The following TENM2 variants were observed in gnomAD, a reference collection of about 807,000 sequenced individuals.
TENM2 encodes teneurin-2.
A neutral mutation model predicts 245.2 loss-of-function variants in TENM2; 52 were observed. The ratio of observed to expected loss-of-function variants is 0.21; its 90% CI spans 0.17 to 0.27. TENM2 has a LOEUF of 0.27. Among genes scored for constraint, TENM2 ranks in the 10% least tolerant of loss-of-function variants. The probability of loss-of-function intolerance (pLI) is 1.00; values close to 1 mark genes in which losing one functional copy is unlikely to be tolerated. For synonymous variants in TENM2, 1,363 were observed against 1,438.9 expected (o/e 0.95, Z 1.19); for missense variants, 3,046 against 3,666.8 (o/e 0.83, Z 4.37).
chr5:167,183,095 G>T, the TENM2 span, among the ~76,000 whole-genome samples: 3 of 152,016 alleles, frequency 2.0e-5, no homozygotes, highest in Non-Finnish European at 4.4e-5. Flanking sequence ...GCATTTAAAG[G>T]CCCATTATGC....
intron 6 of TENM2, among the ~76,000 whole-genome samples, chr5:168,055,036 C>G (rs889282715): frequency 1.4e-4 from 22 of 152,256 alleles, no homozygotes; most frequent in African/African-American, 4.8e-4. Context: ...TGGACTGGTT[C>G]CTGCATGCCA....
chr5:167,034,254 T>C, the TENM2 span, among the ~76,000 whole-genome samples: 8 of 152,214 alleles, frequency 5.3e-5, no homozygotes, highest in African/African-American at 1.9e-4. Context: ...AACTAATTCA[T>C]TGTCCTGCAT....
chr5:167,402,466 G>A lies in TENM2; in HGVS notation c.502+26993G>A, dbSNP rs114406833. ...ATAATAATACACAGAACATAATGAT[G>A]TGAACATGTATCAAGTATGGATATA... On this transcript the variant is annotated intron_variant, in intron 2 of 28. Transcript: ENST00000518659. Among the ~76,000 whole-genome samples, 529 of 152,204 alleles carry A rather than the reference G, an allele frequency of 3.5e-3. 5 individuals are homozygous for A. The highest frequency in any genetic ancestry group is 0.012 in the African/African-American group (505 of 41,550).
intron 2 of TENM2, among the ~76,000 whole-genome samples, chr5:167,703,368 C>T (rs1420877146): frequency 6.6e-6 from 1 of 152,002 alleles, no homozygotes; most frequent in Non-Finnish European, 1.5e-5. Flanking sequence ...CCTGTCTCTA[C>T]TAAAACTACA....
intron 2 of TENM2, among the ~76,000 whole-genome samples, chr5:167,838,221 A>T (rs1326871529): frequency 6.6e-6 from 1 of 152,192 alleles, no homozygotes; most frequent in Non-Finnish European, 1.5e-5. Flanking sequence ...ACCTGGCTCA[A>T]ATCTATTTCC....
chr5:167,052,224 A>G, the TENM2 span, among the ~76,000 whole-genome samples: 1 of 152,152 alleles, frequency 6.6e-6, no homozygotes, highest in Non-Finnish European at 1.5e-5. Flanking sequence ...TCAATAATAT[A>G]ATTGCACTAA....
intron 2 of TENM2, among the ~76,000 whole-genome samples, chr5:167,635,430 A>G (rs934571267): frequency 6.6e-6 from 1 of 151,234 alleles, no homozygotes; most frequent in Non-Finnish European, 1.5e-5. Context: ...AATGTTTTCC[A>G]GGGGTGTATC....
At chr5:168,065,595 A>G (rs1228564128) in intron 7 of TENM2, among the ~76,000 whole-genome samples, 1 of 152,156 alleles carries the variant, frequency 6.6e-6, no homozygotes, top group Admixed American at 6.5e-5. Flanking sequence ...CAAATCCTGT[A>G]TGTAGATAGG....
In TENM2 at chr5:167,596,190, C is replaced by T. The variant is rs1776196685; in HGVS notation, c.502+220717C>T. On this transcript the variant is annotated intron_variant, in intron 2 of 28. Transcript: ENST00000518659. ...GATTAGTGCTAATTAGGTGTCAGAC[C>T]GTTTACTGTCATTATCTGAAGTAAA... is the stretch of plus-strand genomic sequence containing the variant. 3.3e-5 allele frequency among the ~76,000 whole-genome samples: 5 copies of T among 152,210 alleles called. No homozygotes were observed. The South Asian group carries it at 8.3e-4, about 25-fold the overall frequency.
At chr5:168,133,543 T>C (rs2152381595) in intron 12 of TENM2, among the ~76,000 whole-genome samples, 1 of 152,288 alleles carries the variant, frequency 6.6e-6, no homozygotes, top group East Asian at 1.9e-4. Flanking sequence ...TCCCATAATA[T>C]ACACTAAAGA....
chr5:168,155,017 C>G (rs1440772014), intron 12 of TENM2, among the ~76,000 whole-genome samples: 1 of 152,240 alleles, frequency 6.6e-6, no homozygotes, highest in Non-Finnish European at 1.5e-5. Context: ...AGTCCCCGCA[C>G]AGCTCCCTCC....
chr5:167,261,987 C>CTA, the TENM2 span, among the ~76,000 whole-genome samples: 21 of 152,278 alleles, frequency 1.4e-4, no homozygotes, highest in Middle Eastern at 3.4e-3. Context: ...TGACTTTGGG[C>CTA]TAGTGGCCCC....
intron 14 of TENM2, chr5:168,190,760 A>G (rs1479908258): frequency 2.1e-6 from 1 of 468,764 alleles, no homozygotes; most frequent in Non-Finnish European, 3.8e-6. Flanking sequence ...GGATGTCAAC[A>G]TCTTTAACCC....
chr5:167,464,384 G>A (rs368845849), intron 2 of TENM2, among the ~76,000 whole-genome samples: 1 of 152,238 alleles, frequency 6.6e-6, no homozygotes, highest in African/African-American at 2.4e-5. Context: ...TCTTCGACAA[G>A]TATATAGATA....
At chr5:168,042,302 T>C (rs1297540545) in intron 5 of TENM2, among the ~76,000 whole-genome samples, 2 of 152,120 alleles carry the variant, frequency 1.3e-5, no homozygotes, top group Non-Finnish European at 2.9e-5. Context: ...ACAAGTCTGA[T>C]CTTTAAAGAC....
At chr5:167,989,339 T>A (rs1000951134) in intron 4 of TENM2, among the ~76,000 whole-genome samples, 1 of 151,704 alleles carries the variant, frequency 6.6e-6, no homozygotes, top group Non-Finnish European at 1.5e-5. Flanking sequence ...AAGGGGGCTG[T>A]GTTAGAATAG....
chr5:167,270,232 A>G, the TENM2 span, among the ~76,000 whole-genome samples: 1 of 152,194 alleles, frequency 6.6e-6, no homozygotes, highest in Admixed American at 6.6e-5. Context: ...TCAGAAATAC[A>G]GCAACCTAAC....
At chr5:167,259,092 A>G in the TENM2 span, among the ~76,000 whole-genome samples, 1 of 152,158 alleles carries the variant, frequency 6.6e-6, no homozygotes, top group Non-Finnish European at 1.5e-5. Flanking sequence ...TGTATTCCTA[A>G]CAAATGCACA....
chr5:167,394,100 ATTC>A (rs1761918749), intron 2 of TENM2, among the ~76,000 whole-genome samples: 1 of 152,118 alleles, frequency 6.6e-6, no homozygotes, highest in African/African-American at 2.4e-5. Flanking sequence ...TGTTGCTAGT[ATTC>A]TTTGCTGTGC....
Sources: gnomAD v4.1 joint callset for allele counts (sites outside exome capture counted in the v4.1 genomes callset) on GRCh38, gnomAD v4.1.1 for gene constraint, MANE v1.5 for transcripts, NCBI Gene and HGNC (gene_info 2026-07-23, HGNC 2026-07-21) for gene names.